KHSRP: variants seen among roughly 807,000 people sequenced by gnomAD.
KHSRP encodes KH-type splicing regulatory protein.
Under a neutral mutation model 94.9 loss-of-function variants are expected in KHSRP, and 13 were observed. The ratio of observed to expected loss-of-function variants is 0.14; its 90% confidence interval spans 0.09 to 0.22. The LOEUF is 0.22. KHSRP is among the 10% of genes least tolerant of loss of function. KHSRP has a pLI of 1.00. For missense variants in KHSRP, 710 were observed against 1,010.0 expected, an observed-to-expected ratio of 0.70 and a Z score of 4.03; for synonymous variants, 495 against 401.4, an observed-to-expected ratio of 1.23 and a Z score of -2.79.
Position 6,424,747 on chromosome 19 carries a change from C to T in KHSRP, c.-46G>A. The T allele has an allele frequency of 2.9e-6, 2 of 695,664 alleles. No homozygotes were observed. The highest frequency in any genetic ancestry group is 3.6e-6 in the Non-Finnish European group (2 of 554,694). 43.1% of individuals were successfully genotyped at this position (695,664 alleles called of 1,614,324 possible). ...GGCGCGGAGGCTGAAGCTGAGGAGG[C>T]GGCGGCGGCGGCGGCGGCTCAACGC... is the stretch of plus-strand genomic sequence containing the variant. On this transcript the variant is annotated 5_prime_UTR_variant, in exon 1 of 19. Transcript: ENST00000600480.
chr19:6,417,869 C>A (rs754065339), intron 10 of KHSRP, 28 bp from the exon 11 acceptor site: 1 of 1,607,654 alleles, frequency 6.2e-7, no homozygotes, highest in Non-Finnish European at 8.5e-7. Context: ...AGCGTCAGCT[C>A]GGCCCGCAGC....
chr19:6,424,745 G>A lies in KHSRP; in HGVS notation c.-44C>T. 1 of 707,628 alleles carries A rather than the reference G, an allele frequency of 1.4e-6. No homozygotes were observed. The highest frequency in any genetic ancestry group is 1.8e-6 in the Non-Finnish European group (1 of 565,520). 43.8% of individuals were successfully genotyped at this position (707,628 alleles called of 1,614,324 possible). ...CTGGCGCGGAGGCTGAAGCTGAGGA[G>A]GCGGCGGCGGCGGCGGCGGCTCAAC... On this transcript the variant is annotated 5_prime_UTR_variant, in exon 1 of 19. Coordinates refer to ENST00000600480, the MANE Select transcript of KHSRP (RefSeq NM_001366299.1).
intron 6 of KHSRP, 109 bp downstream of exon 6, chr19:6,419,964 C>T (rs1355059507): frequency 1.2e-5 from 10 of 821,688 alleles, no homozygotes; most frequent in Admixed American, 2.1e-5. Flanking sequence ...CACCAACAAG[C>T]GCCAGCTCGC....
intron 3 of KHSRP, 142 bp from the exon 4 acceptor site, chr19:6,421,459 C>T: frequency 2.0e-6 from 2 of 1,016,160 alleles, no homozygotes; most frequent in Non-Finnish European, 1.5e-6. Context: ...GTGGATTCCT[C>T]CCCATAAAAG....
At chr19:6,423,832 C>T (rs968650220) in intron 1 of KHSRP, among the ~76,000 whole-genome samples, 9 of 152,186 alleles carry the variant, frequency 5.9e-5, no homozygotes, top group Non-Finnish European at 1.0e-4. Flanking sequence ...CATTACGCCT[C>T]AATACACGGG....
At chr19:6,423,618 A>G (rs755221435) in intron 1 of KHSRP, among the ~76,000 whole-genome samples, 11 of 152,244 alleles carry the variant, frequency 7.2e-5, no homozygotes, top group Non-Finnish European at 1.3e-4. Context: ...GAGAGACGAC[A>G]GAGGGCCAGA....
At chr19:6,423,346 C>A (rs1170761858) in intron 1 of KHSRP, among the ~76,000 whole-genome samples, 12 of 152,320 alleles carry the variant, frequency 7.9e-5, no homozygotes, top group Admixed American at 6.5e-4. Context: ...ACGTGAAGAG[C>A]AACTTTAAAG....
chr19:6,424,594 G>C lies in KHSRP; in HGVS notation c.108C>G (p.Gly36=). 1.1e-6 allele frequency: 1 copy of C among 948,106 alleles called. No individual in the cohort carries two copies. The highest frequency in any genetic ancestry group is 1.2e-6 in the Non-Finnish European group (1 of 804,576). The allele number at this position is 948,106 out of a possible 1,614,324, so 58.7% of individuals were successfully genotyped here. Residue 36 remains glycine, a synonymous_variant, in exon 1 of 19, where the codon GGC becomes GGG. Transcript: ENST00000600480. ...GACCGCCGCCGCCCCGGTCCCCCGC[G>C]CCTGGCGGGCCCGGCGGAGGGCCTC... The part of the protein sequence containing the change: ...AGGGPPPGPP[G]AGDRGGGGPG...
Position 6,415,265 on chromosome 19 carries a change from G to C in KHSRP, c.2003C>G (p.Pro668Arg). ...GGCACTGTAGTCTGGCTGGGAGCCT[G>C]GGGGAGCTCCTGGACCCCCTCCGGT... ...VATGGGPGAPPGSQPDYSAAW... is the reference protein window; with the variant it reads ...VATGGGPGAPRGSQPDYSAAW... Residue 668 changes from proline to arginine, a missense_variant, in exon 19 of 19, where the codon CCA becomes CGA. Pro to Arg is a moderately radical substitution (Grantham distance 103). Around this residue, in one of 5 missense-constraint regions of KHSRP, gnomAD observed 292 missense variants for 340.5 expected, o/e 0.86. Coordinates refer to ENST00000600480, the MANE Select transcript of KHSRP (RefSeq NM_001366299.1). The C allele has an allele frequency of 6.2e-7, 1 of 1,612,714 alleles. No individual in the cohort carries two copies. Among genetic ancestry groups the C allele is most frequent in the Non-Finnish European group, 8.5e-7 (1 of 1,179,824 alleles).
Position 6,424,580 on chromosome 19 carries a change from C to A in KHSRP, c.122G>T (p.Gly41Val), listed in dbSNP as rs2092221050. 1 of 960,956 alleles carries A rather than the reference C, an allele frequency of 1.0e-6. No homozygotes were observed. The highest frequency in any genetic ancestry group is 1.2e-6 in the Non-Finnish European group (1 of 811,802). 59.5% of individuals were successfully genotyped at this position (960,956 alleles called of 1,614,324 possible). A position where few individuals can be genotyped will look rare whatever the true frequency, so the allele number is the denominator to read the frequency against. ...GCCGCCGCCGCCGGGACCGCCGCCG[C>A]CCCGGTCCCCCGCGCCTGGCGGGCC... ...PPGPPGAGDR[G>V]GGGPGGGGPG... Residue 41 changes from glycine to valine, a missense_variant, in exon 1 of 19, where the codon GGC becomes GTC. Gly to Val is a moderately radical substitution (Grantham distance 109). Around this residue, in one of 5 missense-constraint regions of KHSRP, gnomAD observed 92 missense variants for 80.8 expected, o/e 1.14. Transcript: ENST00000600480.
chr19:6,424,367 TGCGCGCGCGCGC>T, intron 1 of KHSRP, 74 bp downstream of exon 1: 1 of 623,154 alleles, frequency 1.6e-6, no homozygotes, highest in Non-Finnish European at 2.0e-6. Flanking sequence ...TCCGCGACCC[TGCGCGCGCGCGC>T]GCACGTGACC....
Position 6,417,059 on chromosome 19 carries a change from A to G in KHSRP, c.1110T>C (p.Ala370=). The G allele has an allele frequency of 3.1e-6, 5 of 1,612,982 alleles. No individual in the cohort carries two copies. Among genetic ancestry groups the G allele is most frequent in the Non-Finnish European group, 3.4e-6 (4 of 1,179,810 alleles). ...ACCTGTCTGGGGGCCCCATTATATG[A>G]GCAATCTTCTCGGGCCCTGTCCCGT... The part of the protein sequence containing the change: ...QDDGTGPEKI[A]HIMGPPDRCE... Residue 370 remains alanine (A), a synonymous_variant, in exon 12 of 19, where the codon GCT becomes GCC. Transcript: ENST00000600480.
intron 5 of KHSRP, 133 bp downstream of exon 5, chr19:6,420,289 G>A (rs2092187371): frequency 8.8e-7 from 1 of 1,130,054 alleles, no homozygotes. Context: ...TGCCCAGAGG[G>A]GACGAAGGAG....
At position 6,424,767 on chromosome 19, in the gene KHSRP, C is replaced by G; in HGVS notation, c.-66G>C. ...GGAGGCGGCGGCGGCGGCGGCGGCT[C>G]AACGCGGGAACAAGGCCTCGCTCCA... is the stretch of plus-strand genomic sequence containing the variant. On this transcript the variant is annotated 5_prime_UTR_variant, in exon 1 of 19. Coordinates refer to ENST00000600480, the MANE Select transcript of KHSRP (RefSeq NM_001366299.1). 2.8e-6 allele frequency: 2 copies of G among 711,390 alleles called. No homozygotes were observed. Among genetic ancestry groups the G allele is most frequent in the Non-Finnish European group, 3.5e-6 (2 of 569,876 alleles). 44.1% of individuals were successfully genotyped at this position (711,390 alleles called of 1,614,324 possible).
intron 11 of KHSRP, 120 bp from the exon 12 acceptor site, chr19:6,417,207 C>A: frequency 1.4e-6 from 1 of 737,982 alleles, no homozygotes. Context: ...CGCGCTGCGC[C>A]GCTCCCAGCC....
intron 6 of KHSRP, 81 bp downstream of exon 6, chr19:6,419,992 C>A (rs1313201284): frequency 9.3e-7 from 1 of 1,070,950 alleles, no homozygotes; most frequent in Non-Finnish European, 1.4e-6. Context: ...CCACAGTCCC[C>A]GTGGAAATTA....
intron 4 of KHSRP, 29 bp downstream of exon 4, chr19:6,421,249 A>T: frequency 6.4e-7 from 1 of 1,571,464 alleles, no homozygotes; most frequent in East Asian, 2.4e-5. Context: ...AACAGACAAG[A>T]AAGCAGTGTG....
At chr19:6,419,344 C>T in intron 6 of KHSRP, 84 bp from the exon 7 acceptor site, 1 of 1,237,164 alleles carries the variant, frequency 8.1e-7, no homozygotes. Context: ...ACTTTCAGAA[C>T]AACCAAGGGC....
At position 6,414,092 on chromosome 19, in the gene KHSRP, G is replaced by A; in HGVS notation, c.*932C>T. 1.9e-6 allele frequency: 3 copies of A among 1,554,282 alleles called. No individual in the cohort carries two copies. The highest frequency in any genetic ancestry group is 2.6e-6 in the Non-Finnish European group (3 of 1,142,620). On this transcript the variant is annotated 3_prime_UTR_variant, in exon 19 of 19. Transcript: ENST00000600480. ...AAAAAAAAGATTTTTCACAGATGAA[G>A]AAGTTCACATTCATTCGATTCATTG...
Sources: gnomAD v4.1 joint callset for allele counts (sites outside exome capture counted in the v4.1 genomes callset) on GRCh38, gnomAD v4.1.1 for gene constraint, gnomAD v4.1.1 regional missense constraint, MANE v1.5 for transcripts, NCBI Gene and HGNC (gene_info 2026-07-23, HGNC 2026-07-21) for gene names.